The following CCSER1 variants were observed in gnomAD, a reference collection of about 807,000 sequenced individuals.
CCSER1 encodes coiled-coil serine rich protein 1, also known as serine-rich coiled-coil domain-containing protein 1.
CCSER1 carries 41 observed loss-of-function variants against 82.0 expected under a neutral mutation model. That is an observed-to-expected ratio of 0.50 (90% CI 0.39 to 0.65). CCSER1 has a LOEUF of 0.65. Among genes scored for constraint, CCSER1 ranks in the 30% least tolerant of loss-of-function variants. The pLI, the probability that CCSER1 is intolerant of heterozygous loss-of-function variation, is 0.00. For missense variants in CCSER1, 1,119 were observed against 1,064.2 expected, an observed-to-expected ratio of 1.05 and a Z score of -0.72; for synonymous variants, 414 against 383.9, an observed-to-expected ratio of 1.08 and a Z score of -0.92.
chr4:90,496,694 A>G (rs1217150081), intron 5 of CCSER1, among the ~76,000 whole-genome samples: 1 of 152,188 alleles, frequency 6.6e-6, no homozygotes, highest in Non-Finnish European at 1.5e-5. Context: ...AATAAAAGTC[A>G]TCGGCCAGGC....
intron 10 of CCSER1, among the ~76,000 whole-genome samples, chr4:91,375,979 A>G (rs1432697047): frequency 6.6e-6 from 1 of 152,128 alleles, no homozygotes; most frequent in East Asian, 1.9e-4. Context: ...TTACAATTAT[A>G]TATATTAAAA....
intron 10 of CCSER1, among the ~76,000 whole-genome samples, chr4:91,312,230 A>G (rs1196077072): frequency 6.6e-6 from 1 of 151,780 alleles, no homozygotes; most frequent in African/African-American, 2.4e-5. Flanking sequence ...AGATTACAAG[A>G]GTTATAATAT....
chr4:90,317,016 G>A (rs1220066899), intron 3 of CCSER1, among the ~76,000 whole-genome samples: 2 of 151,870 alleles, frequency 1.3e-5, no homozygotes, highest in Non-Finnish European at 2.9e-5. Context: ...CATTTCTTGC[G>A]ATTGTCCAAA....
intron 10 of CCSER1, among the ~76,000 whole-genome samples, chr4:91,566,445 A>G (rs1281775197): frequency 6.6e-6 from 1 of 152,042 alleles, no homozygotes; most frequent in Non-Finnish European, 1.5e-5. Flanking sequence ...ATTTTTTGGA[A>G]TAGTTTCTGT....
chr4:91,163,538 G>T (rs1011951638), intron 10 of CCSER1, among the ~76,000 whole-genome samples: 4 of 152,148 alleles, frequency 2.6e-5, no homozygotes, highest in East Asian at 3.9e-4. Flanking sequence ...GGGTGTTAAA[G>T]TTTCCCATTA....
intron 8 of CCSER1, among the ~76,000 whole-genome samples, chr4:90,835,471 T>G (rs990666924): frequency 6.6e-6 from 1 of 152,236 alleles, no homozygotes; most frequent in South Asian, 2.1e-4. Context: ...AAGGCCTCTT[T>G]TACTGTGTAC....
At chr4:90,336,675 AT>A (rs1287054047) in intron 3 of CCSER1, among the ~76,000 whole-genome samples, 1 of 152,196 alleles carries the variant, frequency 6.6e-6, no homozygotes, top group East Asian at 1.9e-4. Context: ...GAGTAAAGGT[AT>A]TGCATAGGGA....
intron 1 of CCSER1, among the ~76,000 whole-genome samples, chr4:90,133,430 G>A (rs1723134378): frequency 6.6e-6 from 1 of 152,200 alleles, no homozygotes; most frequent in African/African-American, 2.4e-5. Flanking sequence ...GTTTAGTTTT[G>A]TTGACTCTCC....
At chr4:90,411,981 T>C (rs936293125) in intron 4 of CCSER1, among the ~76,000 whole-genome samples, 1 of 150,476 alleles carries the variant, frequency 6.6e-6, no homozygotes, top group African/African-American at 2.4e-5. Context: ...ACCAAAGGAT[T>C]ATAAATCATG....
chr4:91,506,329 ACCGTAG>A (rs771153692), intron 10 of CCSER1, among the ~76,000 whole-genome samples: 8 of 152,032 alleles, frequency 5.3e-5, no homozygotes, highest in Non-Finnish European at 1.0e-4. Context: ...TGTTTTGGCT[ACCGTAG>A]CCTTGTATTC....
chr4:90,269,572 A>C (rs1725876800), intron 1 of CCSER1, among the ~76,000 whole-genome samples: 1 of 152,024 alleles, frequency 6.6e-6, no homozygotes, highest in Admixed American at 6.6e-5. Flanking sequence ...TATCTACATC[A>C]AAATAGAAGA....
At chr4:90,468,782 T>C (rs1763965572) in intron 5 of CCSER1, among the ~76,000 whole-genome samples, 1 of 152,156 alleles carries the variant, frequency 6.6e-6, no homozygotes, top group Admixed American at 6.5e-5. Context: ...TTTACTAAAT[T>C]AGAACAAATT....
chr4:91,029,785 T>G, intron 9 of CCSER1, among the ~76,000 whole-genome samples: 1 of 152,174 alleles, frequency 6.6e-6, no homozygotes, highest in Middle Eastern at 3.4e-3. Context: ...TTAAATCAAT[T>G]AATATATATA....
At chr4:90,472,568 T>A (rs1325374904) in intron 5 of CCSER1, among the ~76,000 whole-genome samples, 6 of 152,156 alleles carry the variant, frequency 3.9e-5, no homozygotes, top group Admixed American at 2.6e-4. Flanking sequence ...GGACCAGAGC[T>A]TTCCACTTCC....
At chr4:90,502,634 T>G (rs1770078051) in intron 5 of CCSER1, among the ~76,000 whole-genome samples, 1 of 151,866 alleles carries the variant, frequency 6.6e-6, no homozygotes, top group African/African-American at 2.4e-5. Flanking sequence ...TAGAAATAAA[T>G]TACTTCACTG....
chr4:90,725,137 T>G (rs1743407988), intron 7 of CCSER1: 1 of 244,942 alleles, frequency 4.1e-6, no homozygotes, highest in Admixed American at 4.6e-5. Flanking sequence ...ATACTAATGC[T>G]ACAAAGTTTG....
At chr4:91,231,626 C>A (rs1365159625) in intron 10 of CCSER1, among the ~76,000 whole-genome samples, 1 of 151,730 alleles carries the variant, frequency 6.6e-6, no homozygotes, top group Non-Finnish European at 1.5e-5. Flanking sequence ...AAAGACTCCT[C>A]TTTCAAAGAC....
chr4:91,423,453 A>G (rs891558517), intron 10 of CCSER1, among the ~76,000 whole-genome samples: 23 of 152,166 alleles, frequency 1.5e-4, no homozygotes, highest in South Asian at 4.1e-4. Flanking sequence ...AGTTCTGGTT[A>G]ACGGTAGAAA....
At chr4:90,835,279 C>T (rs1050369874) in intron 8 of CCSER1, among the ~76,000 whole-genome samples, 7 of 152,028 alleles carry the variant, frequency 4.6e-5, no homozygotes, top group Admixed American at 2.6e-4. Flanking sequence ...TGCAGTGAGC[C>T]GAGATGACGC....
Sources: gnomAD v4.1 joint callset for allele counts (sites outside exome capture counted in the v4.1 genomes callset) on GRCh38, gnomAD v4.1.1 for gene constraint, MANE v1.5 for transcripts, NCBI Gene and HGNC (gene_info 2026-07-23, HGNC 2026-07-21) for gene names.